PRR5L: variants seen among roughly 807,000 people sequenced by gnomAD.
PRR5L encodes the protein proline-rich protein 5-like.
Under a neutral mutation model 36.4 loss-of-function variants are expected in PRR5L, and 21 were observed. That is an observed-to-expected ratio of 0.58 (90% CI 0.41 to 0.83). The LOEUF (loss-of-function observed/expected upper bound fraction) is 0.83. Among genes scored for constraint, PRR5L ranks in the 40% least tolerant of loss-of-function variants. The pLI is 0.00. For missense variants in PRR5L, 381 were observed against 473.3 expected (o/e 0.80, Z 1.81); for synonymous variants, 188 against 197.0 (o/e 0.95, Z 0.38).
chr11:36,404,268 C>CTTTT (rs869208636), intron 3 of PRR5L, among the ~76,000 whole-genome samples: 3 of 98,010 alleles, frequency 3.1e-5, no homozygotes, highest in African/African-American at 1.6e-4. Context: ...TCCATCAGGT[C>CTTTT]TTTTTTTTTT....
At chr11:36,454,296 T>C (rs1859003733) in intron 8 of PRR5L, among the ~76,000 whole-genome samples, 1 of 152,136 alleles carries the variant, frequency 6.6e-6, no homozygotes, top group Non-Finnish European at 1.5e-5. Context: ...CCCATGTCTC[T>C]GGATACTAAG....
chr11:36,385,286 C>A (rs1373173260), intron 1 of PRR5L, among the ~76,000 whole-genome samples: 1 of 152,200 alleles, frequency 6.6e-6, no homozygotes, highest in Admixed American at 6.5e-5. Flanking sequence ...CACACCCAGA[C>A]AATATGCACT....
At chr11:36,352,524 C>T (rs1429672975) in intron 1 of PRR5L, among the ~76,000 whole-genome samples, 1 of 152,072 alleles carries the variant, frequency 6.6e-6, no homozygotes, top group Admixed American at 6.6e-5. Flanking sequence ...CCCCCTTTCC[C>T]CTTTACAGAT....
intron 3 of PRR5L, among the ~76,000 whole-genome samples, chr11:36,405,330 T>G (rs1033513530): frequency 6.6e-6 from 1 of 152,200 alleles, no homozygotes; most frequent in Non-Finnish European, 1.5e-5. Context: ...TTTATGTAAA[T>G]TTTCTGACTT....
intron 1 of PRR5L, among the ~76,000 whole-genome samples, chr11:36,302,058 G>C (rs1237215446): frequency 6.6e-6 from 1 of 152,190 alleles, no homozygotes; most frequent in Admixed American, 6.5e-5. Flanking sequence ...GGAGTTTACT[G>C]TACTGTTATT....
intron 1 of PRR5L, among the ~76,000 whole-genome samples, chr11:36,395,758 G>A (rs928338210): frequency 9.2e-5 from 14 of 151,776 alleles, no homozygotes; most frequent in African/African-American, 2.4e-4. Flanking sequence ...GTTTTGCTTC[G>A]TTGCCTAGGG....
rs566245700 is a variant in PRR5L, at chr11:36,336,830, A to G, written c.-126+40392A>G. ...TTTTCTAAACTGCATAGCAATTGTC[A>G]CTGAAGAAATTATCTCATATCATTA... On this transcript the variant is annotated intron_variant, in intron 1 of 8. Transcript: ENST00000530639. Among the ~76,000 whole-genome samples the G allele has an allele frequency of 4.1e-4, 63 of 152,050 alleles. 1 individual carries two copies. Among genetic ancestry groups the G allele is most frequent in the Non-Finnish European group, 6.5e-4 (44 of 68,004 alleles).
intron 1 of PRR5L, among the ~76,000 whole-genome samples, chr11:36,361,259 A>C (rs1857084958): frequency 6.6e-6 from 1 of 152,210 alleles, no homozygotes; most frequent in African/African-American, 2.4e-5. Flanking sequence ...CAGATACGAG[A>C]ATCCAGATCT....
At chr11:36,310,394 A>G (rs1856488191) in intron 1 of PRR5L, among the ~76,000 whole-genome samples, 1 of 152,166 alleles carries the variant, frequency 6.6e-6, no homozygotes, top group Non-Finnish European at 1.5e-5. Flanking sequence ...GTCCACCCAG[A>G]GAGCATTTAA....
chr11:36,344,545 C>T lies in PRR5L; in HGVS notation c.-126+48107C>T, dbSNP rs559336663. On this transcript the variant is annotated intron_variant, in intron 1 of 8. Transcript: ENST00000530639. This position sits in a 1 kb window ranked among gnomAD's most constrained non-coding sequence, Gnocchi z 4.1. ...TTTGCTATTGTCAATAACAACAAAA[C>T]GGCCATCTCTGAAGGTGATTTTTGT... 3.3e-5 allele frequency among the ~76,000 whole-genome samples: 5 copies of T among 152,236 alleles called. No individual in the cohort carries two copies. In the East Asian group the frequency reaches 5.8e-4, roughly 18 times the overall value.
chr11:36,403,060 G>A (rs1391193862), intron 2 of PRR5L, among the ~76,000 whole-genome samples: 1 of 152,222 alleles, frequency 6.6e-6, no homozygotes, highest in East Asian at 1.9e-4. Flanking sequence ...GGCCGCCAGC[G>A]AGGTGAGGGA....
intron 1 of PRR5L, among the ~76,000 whole-genome samples, chr11:36,389,936 C>T (rs1316821956): frequency 6.6e-6 from 1 of 152,130 alleles, no homozygotes; most frequent in African/African-American, 2.4e-5. Context: ...GTTCCTGTCT[C>T]TCAGCAATGA....
chr11:36,434,051 T>C (rs542445085), intron 5 of PRR5L, among the ~76,000 whole-genome samples: 1 of 152,310 alleles, frequency 6.6e-6, no homozygotes, highest in South Asian at 2.1e-4. Context: ...AAAGGGGAAG[T>C]TGAATGTCTC....
At chr11:36,457,469 G>A (rs1049685015) in intron 8 of PRR5L, among the ~76,000 whole-genome samples, 4 of 152,010 alleles carry the variant, frequency 2.6e-5, no homozygotes, top group East Asian at 1.9e-4. Context: ...AGCTGGGTGT[G>A]GTGGTGGGCA....
chr11:36,391,547 C>G (rs187378006), intron 1 of PRR5L, among the ~76,000 whole-genome samples: 71 of 137,178 alleles, frequency 5.2e-4, no homozygotes, highest in African/African-American at 1.8e-3. Flanking sequence ...TGAAGTTAAC[C>G]CTTTCAGCAC....
chr11:36,349,279 CAA>C (rs56844732), intron 1 of PRR5L, among the ~76,000 whole-genome samples: 8 of 106,538 alleles, frequency 7.5e-5, no homozygotes, highest in African/African-American at 1.2e-4. Flanking sequence ...AAGACTCTGC[CAA>C]AAAAAAAAAA....
chr11:36,400,180 A>C (rs1187353280), intron 1 of PRR5L, among the ~76,000 whole-genome samples: 1 of 152,234 alleles, frequency 6.6e-6, no homozygotes, highest in African/African-American at 2.4e-5. Flanking sequence ...TGGTACGAGC[A>C]AAAGTGTGGG....
At chr11:36,385,672 T>C (rs1192403185) in intron 1 of PRR5L, among the ~76,000 whole-genome samples, 3 of 152,256 alleles carry the variant, frequency 2.0e-5, no homozygotes, top group African/African-American at 7.2e-5. Context: ...TAGTTCACAG[T>C]TGACCCTTAA....
chr11:36,455,270 G>A (rs906379320), intron 8 of PRR5L: 1 of 152,672 alleles, frequency 6.5e-6, no homozygotes, highest in African/African-American at 2.4e-5. Context: ...CGCTCCGGTG[G>A]GGCCTGGCCA....
Sources: gnomAD v4.1 joint callset for allele counts (sites outside exome capture counted in the v4.1 genomes callset) on GRCh38, gnomAD v4.1.1 for gene constraint, Gnocchi (gnomAD v3.1) non-coding constraint, MANE v1.5 for transcripts, NCBI Gene and HGNC (gene_info 2026-07-23, HGNC 2026-07-21) for gene names.